Variants in ADGRL3 observed in about 807,000 individuals in gnomAD.
ADGRL3 encodes the protein calcium-independent alpha-latrotoxin receptor 3.
In ADGRL3, 62 loss-of-function variants were observed where a neutral mutation model predicts 153.5. The ratio of observed to expected loss-of-function variants is 0.40; its 90% CI spans 0.33 to 0.50. The LOEUF is 0.50. Among genes scored for constraint, ADGRL3 ranks in the 20% least tolerant of loss-of-function variants. The pLI is 0.47. For synonymous variants in ADGRL3, 710 were observed against 672.5 expected (o/e 1.06, Z -0.86); for missense variants, 1,641 against 1,859.4 (o/e 0.88, Z 2.16).
intron 19 of ADGRL3, among the ~76,000 whole-genome samples, chr4:61,992,221 C>T (rs2099106007): frequency 6.6e-6 from 1 of 152,106 alleles, no homozygotes; most frequent in Admixed American, 6.6e-5. Flanking sequence ...CATTCACAAG[C>T]TGGACTTCAG....
In ADGRL3 at chr4:61,202,678, G is replaced by C. The variant is rs1207469978; in HGVS notation, c.-240+913G>C. On this transcript the variant is annotated intron_variant, in intron 1 of 26. Coordinates refer to ENST00000683033, the MANE Select transcript of ADGRL3 (RefSeq NM_001387552.1). The surrounding 1 kb of genome is among the most constrained non-coding windows in gnomAD (Gnocchi z 5.0). ...TGCAGCGCAGCGTCTGAGCTGCCGC[G>C]ACCCAGCCTCCGGTCCCACGTCGGA... 6.6e-6 allele frequency among the ~76,000 whole-genome samples: 1 copy of C among 152,142 alleles called. No homozygotes were observed. Among genetic ancestry groups the C allele is most frequent in the African/African-American group, 2.4e-5 (1 of 41,464 alleles).
chr4:61,316,922 GA>G (rs2095233065), intron 1 of ADGRL3, among the ~76,000 whole-genome samples: 1 of 152,094 alleles, frequency 6.6e-6, no homozygotes, highest in Non-Finnish European at 1.5e-5. Context: ...ATGTAAAAAG[GA>G]AATAAGGAAT....
intron 17 of ADGRL3, among the ~76,000 whole-genome samples, chr4:61,970,705 ATGTTGTTGGTAGGT>A (rs2099023906): frequency 6.6e-6 from 1 of 152,200 alleles, no homozygotes. Context: ...ACAAACTTGA[ATGTTGTTGGTAGGT>A]TGCTTCAGTT....
At chr4:61,601,427 C>A (rs1400546365) in intron 5 of ADGRL3, among the ~76,000 whole-genome samples, 1 of 152,048 alleles carries the variant, frequency 6.6e-6, no homozygotes, top group East Asian at 1.9e-4. Context: ...GTCAATTAAA[C>A]ACAATTTTAA....
chr4:61,646,247 G>A (rs999769259), intron 5 of ADGRL3, among the ~76,000 whole-genome samples: 187 of 152,126 alleles, frequency 1.2e-3, no homozygotes, highest in Non-Finnish European at 2.3e-3. Context: ...CCCCTAGCTC[G>A]GAGTAATTTG....
intron 9 of ADGRL3, among the ~76,000 whole-genome samples, chr4:61,863,604 C>A (rs2098371098): frequency 6.6e-6 from 1 of 152,146 alleles, no homozygotes; most frequent in Non-Finnish European, 1.5e-5. Flanking sequence ...ATCTTGGTAG[C>A]AATATGCAAA....
chr4:61,724,585 T>C (rs545529641), intron 6 of ADGRL3, among the ~76,000 whole-genome samples: 1 of 152,290 alleles, frequency 6.6e-6, no homozygotes, highest in Admixed American at 6.5e-5. Flanking sequence ...TAATGCAAGG[T>C]ACTTGAGCAG....
At chr4:61,403,369 A>G (rs980998460) in intron 2 of ADGRL3, among the ~76,000 whole-genome samples, 1 of 152,044 alleles carries the variant, frequency 6.6e-6, no homozygotes, top group African/African-American at 2.4e-5. Flanking sequence ...GAAATGGGAA[A>G]GGGCCTGGAA....
chr4:62,019,643 T>G (rs1003375685), intron 21 of ADGRL3, among the ~76,000 whole-genome samples: 2 of 152,048 alleles, frequency 1.3e-5, no homozygotes, highest in Non-Finnish European at 2.9e-5. Context: ...GCTTCTGTAT[T>G]AAAAGCAGAA....
intron 2 of ADGRL3, among the ~76,000 whole-genome samples, chr4:61,428,864 TATCTATCTATATC>T (rs59552253): frequency 0.14 from 17,301 of 124,372 alleles, 1,309 homozygotes; most frequent in Admixed American, 0.19. Flanking sequence ...TCTATCTATC[TATCTATCTATATC>T]ATCTATCTAT....
chr4:61,580,074 T>G (rs574409459), intron 4 of ADGRL3, among the ~76,000 whole-genome samples: 13 of 152,078 alleles, frequency 8.5e-5, no homozygotes, highest in Non-Finnish European at 1.8e-4. Context: ...AACTTAAAAT[T>G]GATAATATTT....
At chr4:61,972,212 T>G (rs1471176957) in intron 17 of ADGRL3, among the ~76,000 whole-genome samples, 2 of 152,302 alleles carry the variant, frequency 1.3e-5, no homozygotes, top group African/African-American at 4.8e-5. Flanking sequence ...TTTTGGTGTT[T>G]TAGACATGAA....
At chr4:61,898,927 T>C (rs2098647746) in intron 11 of ADGRL3, among the ~76,000 whole-genome samples, 2 of 152,016 alleles carry the variant, frequency 1.3e-5, no homozygotes, top group African/African-American at 4.8e-5. Flanking sequence ...ACCCTAATCT[T>C]ATTATGCAAA....
In ADGRL3 at chr4:61,421,681, T is replaced by A. The variant is rs11943808; in HGVS notation, c.-174+38492T>A. 7.8e-3 allele frequency among the ~76,000 whole-genome samples: 1,186 copies of A among 152,246 alleles called. 21 individuals carry two copies. The highest frequency in any genetic ancestry group is 0.027 in the African/African-American group (1,117 of 41,568). Reference sequence around the variant, plus strand: ...AATTATTTAATTATTTCTAACTTTATAATTAAAATCACTTAATTTCTATAA... The same window carrying A: ...AATTATTTAATTATTTCTAACTTTAAAATTAAAATCACTTAATTTCTATAA... On this transcript the variant is annotated intron_variant, in intron 2 of 26. Transcript: ENST00000683033.
chr4:61,394,050 A>G (rs1412998966), intron 2 of ADGRL3, among the ~76,000 whole-genome samples: 1 of 152,122 alleles, frequency 6.6e-6, no homozygotes, highest in East Asian at 1.9e-4. Flanking sequence ...TGCAGAATTT[A>G]TAGCATATAA....
In ADGRL3 at chr4:61,851,495, A is replaced by G. The variant is rs551922004; in HGVS notation, c.1480+37606A>G. On this transcript the variant is annotated intron_variant, in intron 9 of 26. Transcript: ENST00000683033. ...TCCCAGCTACTTGAGAAGCTGAGGC[A>G]GGAGGATAGCTTGAGCCTGGGAAGT... Among the ~76,000 whole-genome samples, 192 of 150,168 alleles carry G rather than the reference A, an allele frequency of 1.3e-3. 1 individual carries two copies. The highest frequency in any genetic ancestry group is 4.5e-3 in the African/African-American group (185 of 40,852).
intron 8 of ADGRL3, among the ~76,000 whole-genome samples, chr4:61,745,773 C>T (rs1190298122): frequency 6.6e-6 from 1 of 152,124 alleles, no homozygotes; most frequent in African/African-American, 2.4e-5. Flanking sequence ...TTGTAAAGAC[C>T]ATCGAGGCTA....
intron 5 of ADGRL3, among the ~76,000 whole-genome samples, chr4:61,661,056 T>A (rs930638476): frequency 1.3e-4 from 20 of 152,078 alleles, no homozygotes; most frequent in African/African-American, 4.6e-4. Context: ...CGTTATTACC[T>A]CAAAATAATC....
chr4:61,572,666 G>A (rs749585085), intron 4 of ADGRL3, among the ~76,000 whole-genome samples: 13 of 151,948 alleles, frequency 8.6e-5, no homozygotes, highest in Non-Finnish European at 1.6e-4. Flanking sequence ...TTATTGCAAT[G>A]TGGTATCTCA....
Sources: allele counts gnomAD v4.1 joint callset (sites outside exome capture counted in the v4.1 genomes callset), GRCh38; gene constraint gnomAD v4.1.1; non-coding constraint Gnocchi (gnomAD v3.1); transcripts MANE v1.5; gene names NCBI Gene and HGNC (gene_info 2026-07-23, HGNC 2026-07-21).